Variants in PCDHA2 observed in about 807,000 individuals in gnomAD.
The protein encoded by PCDHA2 is protocadherin alpha 2.
Under a neutral mutation model 66.0 loss-of-function variants are expected in PCDHA2, and 58 were observed. The ratio of observed to expected loss-of-function variants is 0.88; its 90% CI spans 0.71 to 1.09. PCDHA2 has a LOEUF of 1.09. Among genes scored for constraint, PCDHA2 ranks in the 50% least tolerant of loss-of-function variants. The pLI is 0.00. For synonymous variants in PCDHA2, 634 were observed against 554.0 expected, an observed-to-expected ratio of 1.14 and a Z score of -2.03; for missense variants, 1,267 against 1,242.3, an observed-to-expected ratio of 1.02 and a Z score of -0.30.
At chr5:140,824,170 T>C in intron 1 of PCDHA2, 1 of 1,610,876 alleles carries the variant, frequency 6.2e-7, no homozygotes. Flanking sequence ...CTCCCAATTT[T>C]CAAATATTAA....
intron 1 of PCDHA2, chr5:140,823,507 G>C (rs1426749221): frequency 6.2e-7 from 1 of 1,613,236 alleles, no homozygotes; most frequent in Non-Finnish European, 8.5e-7. Flanking sequence ...CGCAGTGAGC[G>C]AGCTGGTGCC....
At chr5:140,841,784 G>T in intron 1 of PCDHA2, 1 of 1,613,930 alleles carries the variant, frequency 6.2e-7, no homozygotes. Flanking sequence ...GTTTCCGCTA[G>T]AGGGCGCGTC....
intron 1 of PCDHA2, chr5:140,860,608 A>G (rs1266938252): frequency 6.6e-6 from 1 of 152,266 alleles, no homozygotes; most frequent in African/African-American, 2.4e-5. Flanking sequence ...GCTCACAAAG[A>G]GAAACATAAA....
chr5:140,947,551 C>G (rs1203978810), intron 1 of PCDHA2, among the ~76,000 whole-genome samples: 3 of 151,488 alleles, frequency 2.0e-5, no homozygotes, highest in Non-Finnish European at 4.4e-5. Context: ...AAGAATTCCG[C>G]TGGGATTTAT....
intron 1 of PCDHA2, 170 bp from the exon 2 acceptor site, chr5:140,978,779 C>T: frequency 2.1e-6 from 2 of 969,908 alleles, no homozygotes; most frequent in Non-Finnish European, 2.5e-6. Flanking sequence ...TAATTTTCTT[C>T]TAAAGTGCTA....
Position 140,978,964 on chromosome 5 carries a change from C to G in PCDHA2, c.2404C>G (p.Pro802Ala). ...GATTTTGCAGCCACGACAGCCCAAC[C>G]CTGACTGGCGTTACTCTGCCTCCCT... ...EYVGKPRQPN[P>A]DWRYSASLRA... is the part of the protein sequence containing the mutation. The change falls in exon 2 of 4, where the codon CCT becomes GCT. Residue 802 changes from proline to alanine, a missense_variant. Transcript: ENST00000526136. 3 of 1,614,122 alleles carry G rather than the reference C, an allele frequency of 1.9e-6. No homozygotes were observed. The highest frequency in any genetic ancestry group is 2.5e-6 in the Non-Finnish European group (3 of 1,180,010).
intron 1 of PCDHA2, chr5:140,829,297 G>C: frequency 1.9e-6 from 3 of 1,614,238 alleles, no homozygotes; most frequent in Non-Finnish European, 8.5e-7. Context: ...CCACCTTCAA[G>C]AATTACTACT....
intron 1 of PCDHA2, chr5:140,865,436 C>T (rs544302848): frequency 5.3e-5 from 8 of 152,322 alleles, no homozygotes; most frequent in Admixed American, 5.2e-4. Context: ...AGAAAAATAA[C>T]TTCTGAGAAG....
rs1486746921 is a variant in PCDHA2 at position 141,009,728 on chromosome 5, G to A, written c.2638G>A (p.Gly880Ser). Residue 880 changes from glycine (G) to serine (S), a missense_variant, in exon 4 of 4, where the codon GGT becomes AGT. Gly to Ser is a moderately conservative substitution (Grantham distance 56). Coordinates refer to ENST00000526136, the MANE Select transcript of PCDHA2 (RefSeq NM_018905.3). The part of the protein sequence containing the change: ...GPGNPKQSGP[G>S]ELPDKFIIPG... ...AGGCAACCCCAAACAATCCGGTCCC[G>A]GTGAGTTGCCCGACAAATTCATTAT... The A allele has an allele frequency of 3.1e-6, 5 of 1,613,998 alleles. No homozygotes were observed. The highest frequency in any genetic ancestry group is 2.2e-5 in the East Asian group (1 of 44,874).
At chr5:140,858,061 C>A (rs1554151115) in intron 1 of PCDHA2, 1 of 1,597,498 alleles carries the variant, frequency 6.3e-7, no homozygotes, top group South Asian at 1.1e-5. Context: ...TTGTGGAGGG[C>A]AGCCAGGCAC....
rs2150353812 is a variant in PCDHA2, at chr5:140,843,145, G to T, written c.2388+45793G>T. ...ACTCGGGCTACAACGCGTGGCTTTCGTATGAGCTGCAGCCAGCTGCAAGCA... is the reference window on the plus strand; with the variant it reads ...ACTCGGGCTACAACGCGTGGCTTTCTTATGAGCTGCAGCCAGCTGCAAGCA... On this transcript the variant is annotated intron_variant, in intron 1 of 3. Coordinates refer to ENST00000526136, the MANE Select transcript of PCDHA2 (RefSeq NM_018905.3). 3.8e-6 allele frequency: 6 copies of T among 1,596,072 alleles called. 1 individual carries two copies. Among genetic ancestry groups the T allele is most frequent in the Middle Eastern group, 3.4e-4 (2 of 5,956 alleles).
At chr5:140,853,944 G>C (rs2042918286) in intron 1 of PCDHA2, 1 of 814,184 alleles carries the variant, frequency 1.2e-6, no homozygotes, top group Non-Finnish European at 1.5e-6. Context: ...CAAGGTGGGA[G>C]GGTCCCTTCC....
At chr5:140,853,146 T>G in intron 1 of PCDHA2, 1 of 817,808 alleles carries the variant, frequency 1.2e-6, no homozygotes, top group Non-Finnish European at 1.5e-6. Flanking sequence ...CCCAAAATGC[T>G]GGGATTACAG....
intron 1 of PCDHA2, chr5:140,966,280 G>A (rs782249047): frequency 2.0e-4 from 74 of 365,660 alleles, no homozygotes; most frequent in Middle Eastern, 6.9e-4. Context: ...CTGGACAGTG[G>A]GGGTAGGGAG....
intron 1 of PCDHA2, among the ~76,000 whole-genome samples, chr5:140,838,077 A>ATAGTGT (rs1203070308): frequency 7.4e-5 from 6 of 80,664 alleles, no homozygotes; most frequent in Non-Finnish European, 1.5e-4. Flanking sequence ...ATATATATAT[A>ATAGTGT]GTGTGTGTGT....
Position 140,910,294 on chromosome 5 carries a change from A to C in PCDHA2, c.2389-68655A>C, listed in dbSNP as rs146332329. Among the ~76,000 whole-genome samples, 1,310 of 151,558 alleles carry C rather than the reference A, an allele frequency of 8.6e-3. 14 individuals carry two copies. The highest frequency in any genetic ancestry group is 0.03 in the African/African-American group (1,252 of 41,252). ...TCTAGGAACACCATGATTAATCAAC[A>C]GATGCCAGAGATCTACATGAGTCAG... On this transcript the variant is annotated intron_variant, in intron 1 of 3. Transcript: ENST00000526136.
intron 1 of PCDHA2, among the ~76,000 whole-genome samples, chr5:140,922,496 G>A (rs1554200851): frequency 6.6e-6 from 1 of 152,222 alleles, no homozygotes; most frequent in African/African-American, 2.4e-5. Flanking sequence ...ATCTGAGAGT[G>A]AGCAGATGCA....
rs567582281 is a variant in PCDHA2 at position 140,946,595 on chromosome 5, G to C, written c.2389-32354G>C. ...CTTAGGTGTTCATAGTGGATGAATA[G>C]ATAAAGAAAATGTGAAATATATATA... On this transcript the variant is annotated intron_variant, in intron 1 of 3. Transcript: ENST00000526136. Among the ~76,000 whole-genome samples, 13 of 108,580 alleles carry C rather than the reference G, an allele frequency of 1.2e-4. No homozygotes were observed. In the South Asian group the frequency reaches 1.5e-3, roughly 12 times the overall value. 71.2% of individuals were successfully genotyped at this position (108,580 alleles called of 152,430 possible).
intron 1 of PCDHA2, chr5:140,967,531 T>C (rs1399482021): frequency 3.7e-6 from 6 of 1,613,104 alleles, no homozygotes; most frequent in Non-Finnish European, 4.2e-6. Context: ...ACAACTCTCC[T>C]GCCTTTGACC....
Sources: allele counts gnomAD v4.1 joint callset (sites outside exome capture counted in the v4.1 genomes callset), GRCh38; gene constraint gnomAD v4.1.1; transcripts MANE v1.5; gene names NCBI Gene and HGNC (gene_info 2026-07-23, HGNC 2026-07-21).